EFCAB5: variants seen among roughly 807,000 people sequenced by gnomAD.
EFCAB5 encodes the protein EF-hand calcium binding domain 5.
EFCAB5 carries 131 observed loss-of-function variants against 167.9 expected under a neutral mutation model. The ratio of observed to expected loss-of-function variants is 0.78; its 90% CI spans 0.68 to 0.90. The LOEUF (loss-of-function observed/expected upper bound fraction) is 0.90. EFCAB5 is among the 40% of genes least tolerant of loss of function. EFCAB5 has a pLI of 0.00. For synonymous variants in EFCAB5, 574 were observed against 602.8 expected, an observed-to-expected ratio of 0.95 and a Z score of 0.70; for missense variants, 1,663 against 1,745.2, an observed-to-expected ratio of 0.95 and a Z score of 0.84.
Position 29,968,928 on chromosome 17 carries a change from C to A in EFCAB5, c.328C>A (p.Pro110Thr). The change falls in exon 4 of 23, where the codon CCA becomes ACA. Residue 110 changes from proline to threonine, a missense_variant. Pro to Thr is a conservative substitution (Grantham distance 38, BLOSUM62 -1). Coordinates refer to ENST00000394835, the MANE Select transcript of EFCAB5 (RefSeq NM_198529.4). ...ALDETELKSK[P>T]EHTWKKNLFE... is the part of the protein sequence containing the mutation. Reference sequence around the variant, plus strand: ...AGATGAAACTGAACTGAAATCAAAGCCAGAGCACACATGGAAGAAAAACCT... The same window carrying A: ...AGATGAAACTGAACTGAAATCAAAGACAGAGCACACATGGAAGAAAAACCT... 6.3e-7 allele frequency: 1 copy of A among 1,583,186 alleles called. No homozygotes were observed. The highest frequency in any genetic ancestry group is 8.6e-7 in the Non-Finnish European group (1 of 1,164,002).
upstream of EFCAB5, among the ~76,000 whole-genome samples, chr17:29,940,700 A>C (rs1199344479): frequency 6.6e-6 from 1 of 152,340 alleles, no homozygotes; most frequent in East Asian, 1.9e-4. Flanking sequence ...CTCCAAAGGC[A>C]GTACTTTTGG....
chr17:29,930,288 C>A (rs1050196908), intron 1 of EFCAB5: 4 of 473,656 alleles, frequency 8.4e-6, no homozygotes, highest in East Asian at 3.7e-5. Flanking sequence ...CGGCGCGCGC[C>A]GCCGCCTGGT....
At chr17:29,931,464 A>G (rs143342133) in intron 1 of EFCAB5, among the ~76,000 whole-genome samples, 16 of 152,262 alleles carry the variant, frequency 1.1e-4, no homozygotes, top group Non-Finnish European at 1.6e-4. Flanking sequence ...AGAATCAGAC[A>G]CTGAGGGTCC....
rs1335799309 is a variant in EFCAB5, at chr17:29,947,030, TG to T, written c.190+3384del. ...CTGTACTAAAAATACAAAAATTAGC[TG>T]GGTGTGGTGGCAGGTGCCTGTAGTC... On this transcript the variant is annotated intron_variant, in intron 3 of 22. Coordinates refer to ENST00000394835, the MANE Select transcript of EFCAB5 (RefSeq NM_198529.4). Among the ~76,000 whole-genome samples the T allele has an allele frequency of 2.6e-5, 4 of 151,920 alleles. No homozygotes were observed. The East Asian group carries it at 7.8e-4, about 30-fold the overall frequency.
chr17:29,994,133 AATAT>A (rs55875315), intron 5 of EFCAB5, among the ~76,000 whole-genome samples: 4,105 of 55,618 alleles, frequency 0.074, 118 homozygotes, highest in Middle Eastern at 0.092. Context: ...AACAACAACA[AATAT>A]ATATATATAT....
At chr17:30,055,363 AG>A (rs2070227621) in intron 10 of EFCAB5, among the ~76,000 whole-genome samples, 1 of 151,644 alleles carries the variant, frequency 6.6e-6, no homozygotes, top group Non-Finnish European at 1.5e-5. Context: ...GAAGGAAGGA[AG>A]GAAGGAAGGA....
intron 22 of EFCAB5, among the ~76,000 whole-genome samples, chr17:30,098,775 C>A (rs910977211): frequency 4.6e-5 from 7 of 152,126 alleles, no homozygotes; most frequent in African/African-American, 1.4e-4. Context: ...TTTTCATCAC[C>A]CCAAATAGAA....
At chr17:29,992,183 T>C (rs1329008567) in intron 4 of EFCAB5, among the ~76,000 whole-genome samples, 1 of 152,212 alleles carries the variant, frequency 6.6e-6, no homozygotes, top group Non-Finnish European at 1.5e-5. Flanking sequence ...TCTGCTTCTA[T>C]GTGCTTGTTT....
intron 10 of EFCAB5, among the ~76,000 whole-genome samples, chr17:30,054,852 C>T (rs554331270): frequency 2.0e-5 from 3 of 152,288 alleles, no homozygotes; most frequent in African/African-American, 7.2e-5. Flanking sequence ...CACTTAATAG[C>T]TGCTGGATTA....
chr17:29,962,652 A>AC (rs2067745120), intron 3 of EFCAB5, among the ~76,000 whole-genome samples: 2 of 53,008 alleles, frequency 3.8e-5, no homozygotes, highest in African/African-American at 1.4e-4. Context: ...TTTTTTTTTT[A>AC]GACAGGGTCT....
At chr17:29,995,066 T>C (rs1488085153) in intron 5 of EFCAB5, among the ~76,000 whole-genome samples, 1 of 152,204 alleles carries the variant, frequency 6.6e-6, no homozygotes, top group Non-Finnish European at 1.5e-5. Context: ...GTTCTTGTTT[T>C]GTTAGTGGAG....
At chr17:29,956,929 G>A (rs936357890) in intron 3 of EFCAB5, among the ~76,000 whole-genome samples, 7 of 152,054 alleles carry the variant, frequency 4.6e-5, no homozygotes, top group African/African-American at 1.7e-4. Context: ...TTTCCATTTT[G>A]GATGCATTTT....
intron 7 of EFCAB5, among the ~76,000 whole-genome samples, chr17:30,019,579 G>A (rs1442227309): frequency 6.6e-6 from 1 of 151,762 alleles, no homozygotes; most frequent in Non-Finnish European, 1.5e-5. Flanking sequence ...CTGAGTAGCT[G>A]GGATTACAAG....
chr17:30,034,516 T>C, intron 8 of EFCAB5, 131 bp downstream of exon 8: 1 of 1,024,308 alleles, frequency 9.8e-7, no homozygotes, highest in Non-Finnish European at 1.4e-6. Context: ...CTGGACAACA[T>C]GGTGAAACCC....
intron 7 of EFCAB5, among the ~76,000 whole-genome samples, chr17:30,023,983 C>G (rs531974641): frequency 2.0e-5 from 3 of 152,068 alleles, no homozygotes; most frequent in Admixed American, 6.6e-5. Context: ...ATTCAACAAC[C>G]CTTCATGCTA....
At chr17:29,997,354 T>C (rs927541761) in intron 6 of EFCAB5, among the ~76,000 whole-genome samples, 2 of 152,064 alleles carry the variant, frequency 1.3e-5, no homozygotes, top group Non-Finnish European at 2.9e-5. Flanking sequence ...CATTTCTACC[T>C]ACTTATAATG....
chr17:30,027,587 A>C (rs962426173), intron 7 of EFCAB5, among the ~76,000 whole-genome samples: 3 of 152,038 alleles, frequency 2.0e-5, no homozygotes, highest in African/African-American at 7.2e-5. Flanking sequence ...AGTCTCCCAA[A>C]GGTCTCCACA....
intron 3 of EFCAB5, among the ~76,000 whole-genome samples, chr17:29,957,138 T>C (rs762652742): frequency 6.6e-6 from 1 of 152,100 alleles, no homozygotes; most frequent in Non-Finnish European, 1.5e-5. Flanking sequence ...ATACCCAGTG[T>C]TTTGAGGGAT....
intron 3 of EFCAB5, among the ~76,000 whole-genome samples, chr17:29,955,825 T>G (rs2067603952): frequency 6.6e-6 from 1 of 152,126 alleles, no homozygotes; most frequent in Non-Finnish European, 1.5e-5. Flanking sequence ...TATTCTAAAA[T>G]TTATGTGGAA....
Sources: allele counts gnomAD v4.1 joint callset (sites outside exome capture counted in the v4.1 genomes callset), GRCh38; gene constraint gnomAD v4.1.1; transcripts MANE v1.5; gene names NCBI Gene and HGNC (gene_info 2026-07-23, HGNC 2026-07-21).